The following ZFAT variants were observed in gnomAD, a reference collection of about 807,000 sequenced individuals.
The protein encoded by ZFAT is zinc finger and AT-hook domain containing, also known as zinc finger protein ZFAT.
ZFAT carries 64 observed loss-of-function variants against 117.7 expected under a neutral mutation model. The ratio of observed to expected loss-of-function variants is 0.54; its 90% CI spans 0.44 to 0.67. ZFAT has a LOEUF of 0.67. Among genes scored for constraint, ZFAT ranks in the 30% least tolerant of loss-of-function variants. ZFAT has a pLI of 0.00. For synonymous variants in ZFAT, 679 were observed against 615.0 expected, an observed-to-expected ratio of 1.10 and a Z score of -1.54; for missense variants, 1,433 against 1,584.5, an observed-to-expected ratio of 0.90 and a Z score of 1.62.
chr8:134,665,063 C>T (rs1431978743), intron 1 of ZFAT, among the ~76,000 whole-genome samples: 1 of 152,226 alleles, frequency 6.6e-6, no homozygotes, highest in Non-Finnish European at 1.5e-5. Context: ...CCAAGAACAG[C>T]CAGGTCCTGT....
At chr8:134,817,945 T>C in the ZFAT span, among the ~76,000 whole-genome samples, 1 of 152,262 alleles carries the variant, frequency 6.6e-6, no homozygotes, top group African/African-American at 2.4e-5. Flanking sequence ...TTTCAACAAA[T>C]GGTGTCTTAA....
chr8:134,732,031 G>C, the ZFAT span, among the ~76,000 whole-genome samples: 1 of 152,226 alleles, frequency 6.6e-6, no homozygotes, highest in Non-Finnish European at 1.5e-5. Flanking sequence ...GCCCAGCTCT[G>C]TCTGATCCTG....
At chr8:134,809,027 C>G in the ZFAT span, among the ~76,000 whole-genome samples, 2 of 152,204 alleles carry the variant, frequency 1.3e-5, no homozygotes. Flanking sequence ...TCTTCTTGTG[C>G]TGTATGAGCA....
At chr8:134,555,982 AGGAGGGAAGGCGGGAG>A (rs1352883616) in intron 11 of ZFAT, among the ~76,000 whole-genome samples, 1 of 111,266 alleles carries the variant, frequency 9.0e-6, no homozygotes, top group Non-Finnish European at 1.8e-5. Flanking sequence ...GAGGGAGGGA[AGGAGGGAAGGCGGGAG>A]GGAGGGAAGG....
chr8:134,756,129 C>G, the ZFAT span, among the ~76,000 whole-genome samples: 2 of 152,350 alleles, frequency 1.3e-5, no homozygotes, highest in South Asian at 4.1e-4. Context: ...AAGCAGCTTT[C>G]TCTGCCTCCT....
intron 11 of ZFAT, among the ~76,000 whole-genome samples, chr8:134,549,411 A>G (rs1822961730): frequency 6.7e-6 from 1 of 149,488 alleles, no homozygotes; most frequent in Admixed American, 6.8e-5. Context: ...ACTGTATTCC[A>G]GCCTGGGCGA....
At chr8:134,776,070 GCT>G in the ZFAT span, among the ~76,000 whole-genome samples, 4 of 152,154 alleles carry the variant, frequency 2.6e-5, no homozygotes, top group Non-Finnish European at 5.9e-5. Flanking sequence ...GCTGTTTTCA[GCT>G]CTTTCAATTT....
At chr8:134,702,705 G>A (rs1023569388) in intron 1 of ZFAT, among the ~76,000 whole-genome samples, 6 of 147,320 alleles carry the variant, frequency 4.1e-5, no homozygotes, top group African/African-American at 1.5e-4. Flanking sequence ...AGAGTCTCAC[G>A]CTGTCGCCCA....
chr8:134,624,429 G>T (rs1829355670), intron 3 of ZFAT, among the ~76,000 whole-genome samples: 1 of 152,078 alleles, frequency 6.6e-6, no homozygotes, highest in Non-Finnish European at 1.5e-5. Context: ...GCCAAGGCGA[G>T]CAGATCACCT....
intron 11 of ZFAT, among the ~76,000 whole-genome samples, chr8:134,543,034 C>T (rs1822398402): frequency 1.3e-5 from 2 of 150,890 alleles, no homozygotes; most frequent in Admixed American, 6.6e-5. Flanking sequence ...GCAGTTACTG[C>T]ACAGAAGAAG....
At chr8:134,550,324 A>AAAAAAAAAAAAAAAAC in intron 11 of ZFAT, among the ~76,000 whole-genome samples, 1 of 151,284 alleles carries the variant, frequency 6.6e-6, no homozygotes, top group Non-Finnish European at 1.5e-5. Flanking sequence ...AAAAAAAAAA[A>AAAAAAAAAAAAAAAAC]AAAAAAAACA....
the ZFAT span, among the ~76,000 whole-genome samples, chr8:134,819,496 A>ACCCCCCCCCCCCCCCCCCCCCC: frequency 5.1e-5 from 2 of 39,334 alleles, no homozygotes; most frequent in Non-Finnish European, 9.4e-5. Context: ...CGGATTTACC[A>ACCCCCCCCCCCCCCCCCCCCCC]CCCCCCCCCC....
chr8:134,575,760 G>T (rs569940673), intron 10 of ZFAT, among the ~76,000 whole-genome samples: 14 of 152,308 alleles, frequency 9.2e-5, no homozygotes, highest in African/African-American at 2.6e-4. Flanking sequence ...GAGGTTTGCT[G>T]CTTCATGTAA....
chr8:134,577,451 T>G (rs1240835912), intron 10 of ZFAT, among the ~76,000 whole-genome samples: 1 of 152,222 alleles, frequency 6.6e-6, no homozygotes, highest in African/African-American at 2.4e-5. Flanking sequence ...TAATGGTGAG[T>G]TCCTTGACCA....
At chr8:134,767,710 A>C in the ZFAT span, among the ~76,000 whole-genome samples, 1 of 152,212 alleles carries the variant, frequency 6.6e-6, no homozygotes, top group African/African-American at 2.4e-5. Context: ...ACTGTTAAGA[A>C]GTGTATTTCT....
At chr8:134,802,703 A>G in the ZFAT span, among the ~76,000 whole-genome samples, 1 of 152,238 alleles carries the variant, frequency 6.6e-6, no homozygotes, top group Admixed American at 6.5e-5. Context: ...TTTACTTTAA[A>G]TATCAATTGG....
intron 2 of ZFAT, among the ~76,000 whole-genome samples, chr8:134,645,919 T>G (rs1478999252): frequency 6.6e-6 from 1 of 152,098 alleles, no homozygotes; most frequent in Non-Finnish European, 1.5e-5. Context: ...TTAAAAGAAC[T>G]GAGCCAGGCG....
intron 11 of ZFAT, among the ~76,000 whole-genome samples, chr8:134,543,844 G>A (rs948135894): frequency 3.3e-5 from 5 of 152,136 alleles, no homozygotes; most frequent in Non-Finnish European, 5.9e-5. Context: ...TAAATCGTGG[G>A]ATGACACTGT....
At chr8:134,820,292 G>C in the ZFAT span, among the ~76,000 whole-genome samples, 2 of 152,174 alleles carry the variant, frequency 1.3e-5, no homozygotes, top group Admixed American at 6.5e-5. Flanking sequence ...TGGAGGTCAG[G>C]AAAGATCCTC....
Sources: gnomAD v4.1 joint callset for allele counts (sites outside exome capture counted in the v4.1 genomes callset) on GRCh38, gnomAD v4.1.1 for gene constraint, MANE v1.5 for transcripts, NCBI Gene and HGNC (gene_info 2026-07-23, HGNC 2026-07-21) for gene names.